MOB3B: variants seen among roughly 807,000 people sequenced by gnomAD.
MOB3B encodes the protein MOB kinase activator-like 2B.
MOB3B carries 7 observed loss-of-function variants against 18.7 expected under a neutral mutation model. That is an observed-to-expected ratio of 0.37 (90% confidence interval 0.21 to 0.70). The LOEUF (loss-of-function observed/expected upper bound fraction) is 0.70. MOB3B is among the 30% of genes least tolerant of loss of function. The probability of loss-of-function intolerance (pLI) is 0.52; values close to 1 mark genes in which losing one functional copy is unlikely to be tolerated. For synonymous variants in MOB3B, 111 were observed against 99.9 expected (o/e 1.11, Z -0.66); for missense variants, 253 against 281.3 (o/e 0.90, Z 0.72).
At chr9:27,463,166 C>T (rs1022166338) in intron 1 of MOB3B, among the ~76,000 whole-genome samples, 38 of 152,108 alleles carry the variant, frequency 2.5e-4, no homozygotes, top group Admixed American at 2.2e-3. Context: ...TCTTGAGAGA[C>T]CAGTCACCTA....
intron 1 of MOB3B, among the ~76,000 whole-genome samples, chr9:27,527,921 G>A (rs1820460697): frequency 6.6e-6 from 1 of 152,314 alleles, no homozygotes; most frequent in East Asian, 1.9e-4. Context: ...CAGGGAAACA[G>A]GGCCGCCTGC....
chr9:27,395,869 G>C (rs180679025), intron 2 of MOB3B, among the ~76,000 whole-genome samples: 2 of 152,208 alleles, frequency 1.3e-5, no homozygotes, highest in African/African-American at 2.4e-5. Flanking sequence ...AATAGGACTC[G>C]TTCAAGGAGC....
chr9:27,449,397 G>T (rs748691362), intron 2 of MOB3B, among the ~76,000 whole-genome samples: 1 of 152,168 alleles, frequency 6.6e-6, no homozygotes, highest in Non-Finnish European at 1.5e-5. Context: ...TATGTCTCAG[G>T]CTCTGGGATG....
intron 2 of MOB3B, chr9:27,397,023 A>C (rs1005537792): frequency 6.6e-6 from 1 of 152,222 alleles, no homozygotes; most frequent in Non-Finnish European, 1.5e-5. Flanking sequence ...GCTTTTAAGG[A>C]AATAATATTT....
intron 3 of MOB3B, among the ~76,000 whole-genome samples, chr9:27,355,441 G>A (rs1821174530): frequency 6.6e-6 from 1 of 152,184 alleles, no homozygotes; most frequent in African/African-American, 2.4e-5. Flanking sequence ...ACTAGAATGT[G>A]AAGCCAAATG....
chr9:27,338,616 AC>A (rs1287760075), intron 3 of MOB3B, among the ~76,000 whole-genome samples: 2 of 152,200 alleles, frequency 1.3e-5, no homozygotes, highest in African/African-American at 4.8e-5. Context: ...AAACAACTCT[AC>A]AGCCAAGTCC....
At chr9:27,515,464 C>T (rs1285151853) in intron 1 of MOB3B, among the ~76,000 whole-genome samples, 1 of 152,156 alleles carries the variant, frequency 6.6e-6, no homozygotes, top group Non-Finnish European at 1.5e-5. Context: ...GTTTCCATTT[C>T]CTCCTCTTTA....
At position 27,327,617 on chromosome 9, in the gene MOB3B, A is replaced by G. The variant is rs976284233; in HGVS notation, c.*2970T>C. Reference sequence around the variant, plus strand: ...ACCACCCACCACTCAGACACACACAAAAGGGCAACTCTAATCAATTAAAGG... The same window carrying G: ...ACCACCCACCACTCAGACACACACAGAAGGGCAACTCTAATCAATTAAAGG... On this transcript the variant is annotated 3_prime_UTR_variant, in exon 4 of 4. Coordinates refer to ENST00000262244, the MANE Select transcript of MOB3B (RefSeq NM_024761.5). 2.0e-5 allele frequency: 3 copies of G among 152,094 alleles called. No individual in the cohort carries two copies. Among genetic ancestry groups the G allele is most frequent in the Admixed American group, 2.0e-4 (3 of 15,238 alleles). The allele number at this position is 152,094 out of a possible 1,614,324, so 9.4% of individuals were successfully genotyped here. A position where few individuals can be genotyped will look rare whatever the true frequency, so the allele number is the denominator to read the frequency against.
chr9:27,507,145 T>C (rs1820073641), intron 1 of MOB3B, among the ~76,000 whole-genome samples: 1 of 152,132 alleles, frequency 6.6e-6, no homozygotes, highest in African/African-American at 2.4e-5. Flanking sequence ...TGTCTATGAG[T>C]CAATGTTATG....
chr9:27,507,897 G>C (rs1820083640), intron 1 of MOB3B, among the ~76,000 whole-genome samples: 1 of 152,186 alleles, frequency 6.6e-6, no homozygotes, highest in Non-Finnish European at 1.5e-5. Context: ...GAAGGTTTAA[G>C]TTCTTCAAGC....
intron 2 of MOB3B, among the ~76,000 whole-genome samples, chr9:27,428,060 A>C (rs138434799): frequency 1.8e-3 from 273 of 152,302 alleles, no homozygotes; most frequent in African/African-American, 6.3e-3. Flanking sequence ...CTTTAGGCAT[A>C]ATCCCTTCTC....
At chr9:27,379,616 G>A (rs1270269166) in intron 2 of MOB3B, among the ~76,000 whole-genome samples, 1 of 152,134 alleles carries the variant, frequency 6.6e-6, no homozygotes, top group Admixed American at 6.5e-5. Context: ...CTTACCATAG[G>A]AGCAGAAGGC....
At chr9:27,374,929 AT>A (rs1487389177) in intron 2 of MOB3B, among the ~76,000 whole-genome samples, 1 of 152,152 alleles carries the variant, frequency 6.6e-6, no homozygotes, top group Non-Finnish European at 1.5e-5. Flanking sequence ...GTGATTGCAA[AT>A]TTGATTACAG....
intron 2 of MOB3B, among the ~76,000 whole-genome samples, chr9:27,429,853 G>T (rs1587207400): frequency 6.6e-6 from 1 of 152,260 alleles, no homozygotes; most frequent in African/African-American, 2.4e-5. Context: ...AAGCACAGAT[G>T]GTGTCTCTAA....
At chr9:27,512,355 G>A (rs1162511034) in intron 1 of MOB3B, among the ~76,000 whole-genome samples, 7 of 152,060 alleles carry the variant, frequency 4.6e-5, no homozygotes, top group East Asian at 3.9e-4. Flanking sequence ...ATAATAAATC[G>A]AATTACTGTG....
intron 1 of MOB3B, among the ~76,000 whole-genome samples, chr9:27,526,659 G>T (rs946046152): frequency 2.0e-5 from 3 of 152,136 alleles, no homozygotes; most frequent in African/African-American, 7.2e-5. Flanking sequence ...AGAACAGTAT[G>T]CTTTTTTAAA....
intron 3 of MOB3B, among the ~76,000 whole-genome samples, chr9:27,347,104 G>T (rs1209028083): frequency 1.3e-5 from 2 of 152,206 alleles, no homozygotes; most frequent in Non-Finnish European, 2.9e-5. Flanking sequence ...GAACTGGAGG[G>T]AATCTAAACC....
At chr9:27,381,499 T>C (rs1821577266) in intron 2 of MOB3B, among the ~76,000 whole-genome samples, 1 of 152,136 alleles carries the variant, frequency 6.6e-6, no homozygotes, top group East Asian at 1.9e-4. Context: ...GGAATTCTGC[T>C]AAGTGCCTAT....
At chr9:27,429,964 C>T (rs1822393922) in intron 2 of MOB3B, among the ~76,000 whole-genome samples, 1 of 152,182 alleles carries the variant, frequency 6.6e-6, no homozygotes, top group African/African-American at 2.4e-5. Context: ...GTGCCTGCAG[C>T]TCAGGAGCGA....
Sources: gnomAD v4.1 joint callset for allele counts (sites outside exome capture counted in the v4.1 genomes callset) on GRCh38, gnomAD v4.1.1 for gene constraint, MANE v1.5 for transcripts, NCBI Gene and HGNC (gene_info 2026-07-23, HGNC 2026-07-21) for gene names.